DTNA: variants seen among roughly 807,000 people sequenced by gnomAD.
DTNA encodes the protein dystrophin-related protein 3.
Under a neutral mutation model 100.7 loss-of-function variants are expected in DTNA, and 43 were observed. That is an observed-to-expected ratio of 0.43 (90% CI 0.33 to 0.55). DTNA has a LOEUF of 0.55. DTNA is among the 20% of genes least tolerant of loss of function. The pLI, the probability that DTNA is intolerant of heterozygous loss-of-function variation, is 0.04. For synonymous variants in DTNA, 349 were observed against 347.9 expected (o/e 1.00, Z -0.04); for missense variants, 798 against 953.9 (o/e 0.84, Z 2.15).
chr18:34,824,759 T>C (rs2095816227), intron 9 of DTNA, among the ~76,000 whole-genome samples: 1 of 151,940 alleles, frequency 6.6e-6, no homozygotes, highest in Admixed American at 6.5e-5. Flanking sequence ...TTTTTTATTT[T>C]TTGTAGAAAT....
At chr18:34,757,386 A>G (rs1044329758) in intron 2 of DTNA, 1 of 152,196 alleles carries the variant, frequency 6.6e-6, no homozygotes, top group African/African-American at 2.4e-5. Context: ...GTCTTATATT[A>G]TAAGACATCA....
chr18:34,867,758 A>C (rs1465804922), intron 17 of DTNA: 1 of 985,328 alleles, frequency 1.0e-6, no homozygotes, highest in African/African-American at 1.7e-5. Context: ...AAACAGATGG[A>C]TGCACAGAGC....
At chr18:34,550,495 A>G (rs1388642044) in intron 1 of DTNA, among the ~76,000 whole-genome samples, 1 of 152,172 alleles carries the variant, frequency 6.6e-6, no homozygotes, top group Non-Finnish European at 1.5e-5. Flanking sequence ...GGTGGTGAGC[A>G]GGTGAATCGA....
intron 3 of DTNA, among the ~76,000 whole-genome samples, chr18:34,772,057 C>A (rs1305870996): frequency 6.6e-6 from 1 of 151,958 alleles, no homozygotes; most frequent in Non-Finnish European, 1.5e-5. Flanking sequence ...ATATCTAATC[C>A]CTCCTGTTTA....
At chr18:34,513,794 T>C (rs1040187136) in intron 1 of DTNA, 1 of 152,170 alleles carries the variant, frequency 6.6e-6, no homozygotes, top group African/African-American at 2.4e-5. Flanking sequence ...TGAGGAGATA[T>C]GTGACAACAT....
At chr18:34,542,898 T>C (rs199992066) in intron 1 of DTNA, among the ~76,000 whole-genome samples, 1 of 127,062 alleles carries the variant, frequency 7.9e-6, no homozygotes, top group Non-Finnish European at 1.7e-5. Context: ...TTTTGAAAAA[T>C]GTATGTCCTC....
At chr18:34,702,374 C>CA (rs1204014279) in intron 1 of DTNA, among the ~76,000 whole-genome samples, 3 of 152,200 alleles carry the variant, frequency 2.0e-5, no homozygotes, top group African/African-American at 7.2e-5. Flanking sequence ...TTCACAATAA[C>CA]AGAGACGATA....
chr18:34,576,942 TACAGCC>T (rs2048169494), intron 1 of DTNA, among the ~76,000 whole-genome samples: 1 of 152,126 alleles, frequency 6.6e-6, no homozygotes, highest in Non-Finnish European at 1.5e-5. Flanking sequence ...ACTTCTAGGC[TACAGCC>T]TTAGAGATAC....
At chr18:34,626,733 G>T (rs2057370217) in intron 1 of DTNA, among the ~76,000 whole-genome samples, 1 of 152,180 alleles carries the variant, frequency 6.6e-6, no homozygotes, top group Non-Finnish European at 1.5e-5. Context: ...TTTTTGTAAG[G>T]CTTTAGGGTC....
At chr18:34,493,417 A>G (rs2038753271) in exon 1 of DTNA, 1 of 152,524 alleles carries the variant, frequency 6.6e-6, no homozygotes, top group Non-Finnish European at 1.5e-5. Flanking sequence ...AAATAATAAG[A>G]AAGCGGCTCC....
chr18:34,495,524 C>G (rs2039097835), intron 1 of DTNA, among the ~76,000 whole-genome samples: 1 of 152,186 alleles, frequency 6.6e-6, no homozygotes, highest in Non-Finnish European at 1.5e-5. Context: ...CCATCGTTTT[C>G]TTCAGAACAC....
intron 1 of DTNA, among the ~76,000 whole-genome samples, chr18:34,498,365 A>G (rs2039496377): frequency 6.6e-6 from 1 of 151,422 alleles, no homozygotes; most frequent in South Asian, 2.1e-4. Flanking sequence ...CCCGGGAGGC[A>G]GAGCTTGCAG....
chr18:34,772,122 T>G (rs985109534), intron 3 of DTNA, among the ~76,000 whole-genome samples: 4 of 152,190 alleles, frequency 2.6e-5, no homozygotes, highest in Non-Finnish European at 5.9e-5. Flanking sequence ...CACCCACAGC[T>G]AACATTGCAC....
intron 1 of DTNA, among the ~76,000 whole-genome samples, chr18:34,498,057 G>GATCA (rs1409401646): frequency 6.6e-6 from 1 of 152,080 alleles, no homozygotes; most frequent in African/African-American, 2.4e-5. Flanking sequence ...AAGGTGGATG[G>GATCA]ATCACCTGAG....
At chr18:34,526,408 G>T (rs2042619755) in intron 1 of DTNA, among the ~76,000 whole-genome samples, 1 of 151,980 alleles carries the variant, frequency 6.6e-6, no homozygotes, top group African/African-American at 2.4e-5. Context: ...GCGTGCTTTT[G>T]GGCAATTAGG....
chr18:34,771,266 G>A (rs1204949221), intron 3 of DTNA, among the ~76,000 whole-genome samples: 5 of 152,038 alleles, frequency 3.3e-5, no homozygotes, highest in African/African-American at 4.8e-5. Context: ...TTGGGAGGCC[G>A]AGGCGGGCGG....
chr18:34,614,051 A>G lies in DTNA; in HGVS notation c.-2+120537A>G, dbSNP rs7236959. On this transcript the variant is annotated intron_variant, in intron 1 of 19. Transcript: ENST00000283365. ...AACTGATAACTTTAAATTGAAGCCAATGCTTATTTGTCATTCAAAGACCCT... is the reference window on the plus strand; with the variant it reads ...AACTGATAACTTTAAATTGAAGCCAGTGCTTATTTGTCATTCAAAGACCCT... Among the ~76,000 whole-genome samples the G allele has an allele frequency of 8.8e-3, 1,337 of 152,280 alleles. 13 individuals carry two copies. Among genetic ancestry groups the G allele is most frequent in the African/African-American group, 0.03 (1,261 of 41,532 alleles).
chr18:34,701,950 CAG>C (rs2081429795), intron 1 of DTNA, among the ~76,000 whole-genome samples: 1 of 152,174 alleles, frequency 6.6e-6, no homozygotes. Context: ...ACACCATAGA[CAG>C]AGTGTTATTT....
chr18:34,652,693 C>T (rs545651346), intron 1 of DTNA, among the ~76,000 whole-genome samples: 1 of 152,192 alleles, frequency 6.6e-6, no homozygotes, highest in East Asian at 1.9e-4. Flanking sequence ...ATAATCTCTT[C>T]TAGTTTTCTT....
Sources: gnomAD v4.1 joint callset for allele counts (sites outside exome capture counted in the v4.1 genomes callset) on GRCh38, gnomAD v4.1.1 for gene constraint, MANE v1.5 for transcripts, NCBI Gene and HGNC (gene_info 2026-07-23, HGNC 2026-07-21) for gene names.